The following NAALADL2 variants were observed in gnomAD, a reference collection of about 807,000 sequenced individuals.
NAALADL2 encodes the protein N-acetylated alpha-linked acidic dipeptidase like 2.
NAALADL2 carries 76 observed loss-of-function variants against 87.2 expected under a neutral mutation model. That is an observed-to-expected ratio of 0.87 (90% CI 0.72 to 1.05). NAALADL2 has a LOEUF of 1.05. Among genes scored for constraint, NAALADL2 ranks in the 50% least tolerant of loss-of-function variants. NAALADL2 has a pLI of 0.00. For synonymous variants in NAALADL2, 354 were observed against 331.0 expected (o/e 1.07, Z -0.75); for missense variants, 1,089 against 945.8 (o/e 1.15, Z -1.99).
In NAALADL2 at chr3:175,536,640, TA is replaced by T. The variant is rs111962003; in HGVS notation, c.1654-39391del. On this transcript the variant is annotated intron_variant, in intron 9 of 13. Transcript: ENST00000454872. ...CCAAAGGGCCTTTGTATTGCTAATT[TA>T]AAAAAAAAACCTATTTTATTTTGTT... 4.7e-4 allele frequency among the ~76,000 whole-genome samples: 70 copies of T among 149,338 alleles called. 1 individual carries two copies. Among genetic ancestry groups the T allele is most frequent in the Admixed American group, 1.1e-3 (17 of 15,014 alleles).
At chr3:175,109,663 C>T (rs751011249) in intron 2 of NAALADL2, among the ~76,000 whole-genome samples, 6 of 151,840 alleles carry the variant, frequency 4.0e-5, no homozygotes, top group Non-Finnish European at 8.8e-5. Flanking sequence ...TTACTGTGCT[C>T]TATGAGGGTG....
chr3:175,448,681 C>A (rs1050034569), intron 6 of NAALADL2, among the ~76,000 whole-genome samples: 1 of 151,910 alleles, frequency 6.6e-6, no homozygotes, highest in Non-Finnish European at 1.5e-5. Flanking sequence ...TGTATCAATT[C>A]TTTTTTAAAA....
chr3:174,814,692 T>G (rs1441413418), intron 3 of NAALADL2, among the ~76,000 whole-genome samples: 1 of 152,202 alleles, frequency 6.6e-6, no homozygotes, highest in Non-Finnish European at 1.5e-5. Context: ...ATTAATTATT[T>G]AAGATCAACT....
At chr3:175,224,850 A>C (rs56241430) in intron 2 of NAALADL2, among the ~76,000 whole-genome samples, 7,594 of 152,164 alleles carry the variant, frequency 0.05, 512 homozygotes, top group African/African-American at 0.15. Flanking sequence ...AGAACTTATA[A>C]TTTTCGTTTT....
chr3:175,154,462 T>C (rs192332819), intron 2 of NAALADL2, among the ~76,000 whole-genome samples: 125 of 152,312 alleles, frequency 8.2e-4, no homozygotes, highest in African/African-American at 3.0e-3. Flanking sequence ...ATTTAATCTC[T>C]CTTTCCTTAT....
chr3:175,327,616 A>G (rs920125133), intron 5 of NAALADL2, among the ~76,000 whole-genome samples: 7 of 152,192 alleles, frequency 4.6e-5, no homozygotes, highest in African/African-American at 1.7e-4. Context: ...TAGCTTTTAT[A>G]TAATATCTTA....
chr3:175,753,893 A>G (rs1230352422), intron 12 of NAALADL2, among the ~76,000 whole-genome samples: 1 of 152,122 alleles, frequency 6.6e-6, no homozygotes, highest in Admixed American at 6.5e-5. Context: ...AAAACTGCCA[A>G]TTTAGGTTAT....
chr3:175,597,065 A>C (rs1263151864), intron 10 of NAALADL2, among the ~76,000 whole-genome samples: 3 of 152,030 alleles, frequency 2.0e-5, no homozygotes, highest in African/African-American at 7.2e-5. Flanking sequence ...GAGAGAATGC[A>C]TAATGACTTT....
intron 2 of NAALADL2, among the ~76,000 whole-genome samples, chr3:174,686,987 T>C (rs895981060): frequency 1.3e-5 from 2 of 152,040 alleles, no homozygotes; most frequent in African/African-American, 4.8e-5. Context: ...TTTTTAGTCA[T>C]TACATCAGGT....
intron 1 of NAALADL2, among the ~76,000 whole-genome samples, chr3:174,978,990 T>A (rs1464617476): frequency 2.0e-5 from 3 of 152,208 alleles, no homozygotes; most frequent in Admixed American, 1.3e-4. Flanking sequence ...TTCTCTTTTT[T>A]AAATTTATTT....
At chr3:175,795,965 G>C (rs1753425515) in intron 13 of NAALADL2, among the ~76,000 whole-genome samples, 1 of 151,840 alleles carries the variant, frequency 6.6e-6, no homozygotes, top group Non-Finnish European at 1.5e-5. Context: ...GGGCTAGCTA[G>C]TAAAGGAAAA....
chr3:175,318,277 A>C (rs968264063), intron 4 of NAALADL2, among the ~76,000 whole-genome samples: 23 of 152,102 alleles, frequency 1.5e-4, no homozygotes, highest in African/African-American at 5.1e-4. Context: ...ACTTTGTTTT[A>C]GTGTACGTAT....
intron 1 of NAALADL2, among the ~76,000 whole-genome samples, chr3:174,442,154 AGAG>A (rs376896588): frequency 2.8e-4 from 42 of 152,304 alleles, no homozygotes; most frequent in African/African-American, 8.4e-4. Context: ...ACAGGTTAAC[AGAG>A]AAGAGATTCC....
rs540258240 is a variant in NAALADL2 at position 175,130,241 on chromosome 3, A to G, written c.545+32950A>G. Reference sequence around the variant, plus strand: ...TATAAATTTTGGATATTAACTTCTTATCAGATATCAGATATAAGGTTTACA... The same window carrying G: ...TATAAATTTTGGATATTAACTTCTTGTCAGATATCAGATATAAGGTTTACA... On this transcript the variant is annotated intron_variant, in intron 2 of 13. Transcript: ENST00000454872. Among the ~76,000 whole-genome samples the G allele has an allele frequency of 2.9e-3, 449 of 152,252 alleles. 3 individuals are homozygous for G. Among genetic ancestry groups the G allele is most frequent in the Non-Finnish European group, 2.8e-3 (188 of 68,008 alleles).
At chr3:175,666,525 T>C (rs567500516) in intron 11 of NAALADL2, among the ~76,000 whole-genome samples, 3 of 152,184 alleles carry the variant, frequency 2.0e-5, no homozygotes, top group Non-Finnish European at 2.9e-5. Flanking sequence ...TCTCAAATCG[T>C]GTGCATATCC....
chr3:175,129,041 T>C (rs956473740), intron 2 of NAALADL2, among the ~76,000 whole-genome samples: 1 of 151,980 alleles, frequency 6.6e-6, no homozygotes, highest in African/African-American at 2.4e-5. Flanking sequence ...CAGATTCAAG[T>C]GATTCTCCTG....
chr3:175,744,692 A>G (rs1267557026), intron 12 of NAALADL2, among the ~76,000 whole-genome samples: 1 of 152,186 alleles, frequency 6.6e-6, no homozygotes, highest in African/African-American at 2.4e-5. Flanking sequence ...CATCAGTTCT[A>G]TTTTAGTTAT....
chr3:175,780,375 C>T (rs888107833), intron 13 of NAALADL2, among the ~76,000 whole-genome samples: 23 of 151,950 alleles, frequency 1.5e-4, no homozygotes, highest in South Asian at 4.1e-4. Context: ...CACACACAAA[C>T]AGTATGTGTA....
At chr3:175,507,152 A>T (rs1730451894) in intron 9 of NAALADL2, among the ~76,000 whole-genome samples, 2 of 151,490 alleles carry the variant, frequency 1.3e-5, no homozygotes, top group Admixed American at 1.3e-4. Flanking sequence ...CCTTTCTTTC[A>T]ACGTTCCCTC....
Sources: allele counts gnomAD v4.1 joint callset (sites outside exome capture counted in the v4.1 genomes callset), GRCh38; gene constraint gnomAD v4.1.1; transcripts MANE v1.5; gene names NCBI Gene and HGNC (gene_info 2026-07-23, HGNC 2026-07-21).